TENM3: variants seen among roughly 807,000 people sequenced by gnomAD.
TENM3 encodes teneurin transmembrane protein 3, also known as teneurin-3.
In TENM3, 63 loss-of-function variants were observed where a neutral mutation model predicts 255.1. The ratio of observed to expected loss-of-function variants is 0.25; its 90% CI spans 0.20 to 0.30. The LOEUF is 0.30. Ranked by LOEUF, TENM3 falls within the 10% of genes least tolerant of loss-of-function variation. TENM3 has a pLI of 1.00. For missense variants in TENM3, 2,929 were observed against 3,461.1 expected, an observed-to-expected ratio of 0.85 and a Z score of 3.86; for synonymous variants, 1,306 against 1,322.3, an observed-to-expected ratio of 0.99 and a Z score of 0.27.
At chr4:182,080,751 G>A in the TENM3 span, among the ~76,000 whole-genome samples, 5 of 152,178 alleles carry the variant, frequency 3.3e-5, no homozygotes, top group Admixed American at 2.0e-4. Flanking sequence ...CAGCAGTGTG[G>A]GAGGCAAAGG....
At chr4:181,969,095 G>A in the TENM3 span, among the ~76,000 whole-genome samples, 1 of 151,406 alleles carries the variant, frequency 6.6e-6, no homozygotes, top group Non-Finnish European at 1.5e-5. Context: ...TTAAAAGTTA[G>A]CATTAGCTTG....
chr4:181,766,976 GGC>G, the TENM3 span, among the ~76,000 whole-genome samples: 2 of 151,800 alleles, frequency 1.3e-5, no homozygotes, highest in East Asian at 1.9e-4. Context: ...CCAGAGGCCG[GGC>G]GCAGTGGCTC....
the TENM3 span, among the ~76,000 whole-genome samples, chr4:181,506,204 C>T: frequency 1.3e-5 from 2 of 152,044 alleles, no homozygotes; most frequent in African/African-American, 2.4e-5. Flanking sequence ...CAATATTTCT[C>T]CTGAAAACTT....
chr4:181,738,661 G>T, the TENM3 span, among the ~76,000 whole-genome samples: 8 of 151,546 alleles, frequency 5.3e-5, no homozygotes, highest in South Asian at 2.1e-4. Context: ...TTTCCTATTT[G>T]CTTTTTTTCT....
At chr4:182,286,474 C>A (rs1023832911) in intron 1 of TENM3, among the ~76,000 whole-genome samples, 1 of 152,194 alleles carries the variant, frequency 6.6e-6, no homozygotes, top group African/African-American at 2.4e-5. Flanking sequence ...AAAGTTCTCA[C>A]CACAAACTGC....
At chr4:182,295,744 A>G (rs1019796737) in intron 1 of TENM3, among the ~76,000 whole-genome samples, 2 of 152,148 alleles carry the variant, frequency 1.3e-5, no homozygotes, top group African/African-American at 4.8e-5. Flanking sequence ...TTTCATTTCA[A>G]TGCTATTTGA....
At chr4:182,054,242 C>T in the TENM3 span, among the ~76,000 whole-genome samples, 2 of 152,078 alleles carry the variant, frequency 1.3e-5, no homozygotes, top group South Asian at 2.1e-4. Flanking sequence ...TGCCCATCTC[C>T]GTATAACCCA....
At chr4:181,912,678 A>G in the TENM3 span, among the ~76,000 whole-genome samples, 1 of 150,266 alleles carries the variant, frequency 6.7e-6, no homozygotes, top group East Asian at 1.9e-4. Flanking sequence ...AGGCTGAGGA[A>G]GAAGAATCAC....
chr4:182,589,446 A>ATT (rs367629189), intron 3 of TENM3, among the ~76,000 whole-genome samples: 25,922 of 129,192 alleles, frequency 0.2, 2,908 homozygotes, highest in East Asian at 0.28. Context: ...TAGGTTTTTA[A>ATT]TTTTTTTTTT....
intron 3 of TENM3, among the ~76,000 whole-genome samples, chr4:182,469,029 C>T (rs550414515): frequency 1.4e-4 from 22 of 152,078 alleles, no homozygotes; most frequent in South Asian, 4.2e-4. Context: ...AAATCAATGA[C>T]GATGAGATGA....
At chr4:182,510,259 AG>A (rs1289579949) in intron 3 of TENM3, among the ~76,000 whole-genome samples, 6 of 152,190 alleles carry the variant, frequency 3.9e-5, no homozygotes, top group African/African-American at 1.4e-4. Flanking sequence ...AAACTACAAA[AG>A]TATCCTCATT....
chr4:182,416,611 G>T (rs1180745136), intron 3 of TENM3, among the ~76,000 whole-genome samples: 1 of 151,834 alleles, frequency 6.6e-6, no homozygotes, highest in African/African-American at 2.4e-5. Flanking sequence ...AATAACTCGT[G>T]ATTTAAATAA....
the TENM3 span, among the ~76,000 whole-genome samples, chr4:181,533,317 A>G: frequency 1.3e-5 from 2 of 152,194 alleles, no homozygotes; most frequent in African/African-American, 4.8e-5. Context: ...GTGTCACAGT[A>G]CCGCCACCAT....
At chr4:182,074,880 C>G in the TENM3 span, among the ~76,000 whole-genome samples, 2 of 152,170 alleles carry the variant, frequency 1.3e-5, no homozygotes, top group Non-Finnish European at 2.9e-5. Context: ...AAAGAATAGT[C>G]AGTGGCTAAG....
chr4:181,484,758 T>A, the TENM3 span, among the ~76,000 whole-genome samples: 2 of 152,122 alleles, frequency 1.3e-5, no homozygotes, highest in African/African-American at 4.8e-5. Flanking sequence ...GCCTAACAGA[T>A]GAATTAATTT....
chr4:182,679,599 GA>G (rs61060098), intron 7 of TENM3, 66 bp from the exon 8 acceptor site: 448,456 of 1,043,540 alleles, frequency 0.43, 76,214 homozygotes, highest in East Asian at 0.8. Context: ...AGATTGAAGA[GA>G]AAAAAAAAAA....
intron 22 of TENM3, among the ~76,000 whole-genome samples, chr4:182,761,918 T>C (rs938022381): frequency 2.0e-5 from 3 of 152,202 alleles, no homozygotes; most frequent in Non-Finnish European, 4.4e-5. Flanking sequence ...AAAAAATGCA[T>C]AGGCAAGTTT....
chr4:182,225,754 A>G (rs951972311), intron 1 of TENM3, among the ~76,000 whole-genome samples: 5 of 152,204 alleles, frequency 3.3e-5, no homozygotes, highest in African/African-American at 1.2e-4. Context: ...AAAAGCTTCA[A>G]GAGTCAGGGA....
At chr4:181,661,261 A>AC in the TENM3 span, among the ~76,000 whole-genome samples, 1 of 152,172 alleles carries the variant, frequency 6.6e-6, no homozygotes, top group South Asian at 2.1e-4. Context: ...TCACGAGCTG[A>AC]CTATTTATGA....
Sources: gnomAD v4.1 joint callset for allele counts (sites outside exome capture counted in the v4.1 genomes callset) on GRCh38, gnomAD v4.1.1 for gene constraint, MANE v1.5 for transcripts, NCBI Gene and HGNC (gene_info 2026-07-23, HGNC 2026-07-21) for gene names.